CCDC7: variants seen among roughly 807,000 people sequenced by gnomAD.
CCDC7 encodes coiled-coil domain-containing protein 7.
Under a neutral mutation model 196.9 loss-of-function variants are expected in CCDC7, and 183 were observed. That is an observed-to-expected ratio of 0.93 (90% CI 0.82 to 1.05). The LOEUF (loss-of-function observed/expected upper bound fraction) is 1.05, where lower values mean the gene tolerates loss of function less well. CCDC7 is among the 50% of genes least tolerant of loss of function. The pLI, the probability that CCDC7 is intolerant of heterozygous loss-of-function variation, is 0.00. For missense variants in CCDC7, 1,540 were observed against 1,482.2 expected (o/e 1.04, Z -0.64); for synonymous variants, 525 against 484.6 (o/e 1.08, Z -1.10).
At chr10:32,476,809 T>C (rs989325045) in intron 8 of CCDC7, among the ~76,000 whole-genome samples, 13 of 152,378 alleles carry the variant, frequency 8.5e-5, no homozygotes, top group Admixed American at 8.5e-4. Flanking sequence ...TGATTATACA[T>C]GATGTTGAGC....
chr10:32,732,915 T>A (rs1222948814), intron 28 of CCDC7, among the ~76,000 whole-genome samples: 1 of 152,156 alleles, frequency 6.6e-6, no homozygotes, highest in Admixed American at 6.5e-5. Context: ...AGCTTAGCTG[T>A]ATTATATGTG....
At chr10:32,680,031 A>T (rs1459170435) in intron 21 of CCDC7, among the ~76,000 whole-genome samples, 6 of 152,212 alleles carry the variant, frequency 3.9e-5, no homozygotes, top group African/African-American at 1.4e-4. Flanking sequence ...TTTGGATTGA[A>T]CAGCCAAAAT....
At chr10:32,786,736 G>C (rs2081951238) in intron 29 of CCDC7, among the ~76,000 whole-genome samples, 1 of 152,038 alleles carries the variant, frequency 6.6e-6, no homozygotes, top group Admixed American at 6.5e-5. Flanking sequence ...ATTCCAGCCT[G>C]GGCAACAGAG....
intron 9 of CCDC7, among the ~76,000 whole-genome samples, chr10:32,500,142 C>T (rs559711483): frequency 1.3e-5 from 2 of 151,204 alleles, no homozygotes; most frequent in African/African-American, 2.4e-5. Context: ...GGGTGGTGGC[C>T]GGGCAGAGGG....
intron 18 of CCDC7, among the ~76,000 whole-genome samples, chr10:32,587,425 A>T (rs2059394265): frequency 6.6e-6 from 1 of 152,156 alleles, no homozygotes; most frequent in Non-Finnish European, 1.5e-5. Flanking sequence ...AGGGGGACAA[A>T]CTCGGGAGCC....
chr10:32,681,496 C>T (rs1281464547), intron 21 of CCDC7, among the ~76,000 whole-genome samples: 3 of 152,006 alleles, frequency 2.0e-5, no homozygotes, highest in Non-Finnish European at 4.4e-5. Flanking sequence ...CAACTTAAGG[C>T]GATTAGACTA....
chr10:32,546,618 C>T (rs546474984), intron 13 of CCDC7, among the ~76,000 whole-genome samples: 3 of 152,324 alleles, frequency 2.0e-5, no homozygotes, highest in Non-Finnish European at 2.9e-5. Flanking sequence ...AAGAGTACCA[C>T]ATAAAATAGT....
chr10:32,738,292 T>C (rs1334352508), intron 28 of CCDC7, among the ~76,000 whole-genome samples: 1 of 152,114 alleles, frequency 6.6e-6, no homozygotes, highest in East Asian at 1.9e-4. Flanking sequence ...TCATGGATAA[T>C]GCAGGTATTC....
chr10:32,675,338 G>C (rs1003840357), intron 21 of CCDC7, among the ~76,000 whole-genome samples: 5 of 142,758 alleles, frequency 3.5e-5, no homozygotes, highest in African/African-American at 1.3e-4. Context: ...AAGTTAAAAT[G>C]GTCTATTTTA....
rs181613644 is a variant in CCDC7, at chr10:32,812,853, A to G, written c.3098-1517A>G. ...TGAACCCGTCCTTCTTTGATATATC[A>G]GTTGAAGAAAGAACAAAGGAAGCTA... On this transcript the variant is annotated intron_variant, in intron 30 of 41. Coordinates refer to ENST00000639629, the Ensembl canonical transcript of CCDC7. Among the ~76,000 whole-genome samples the G allele has an allele frequency of 6.3e-4, 96 of 152,168 alleles. 1 individual carries two copies. In the Middle Eastern group the frequency reaches 0.01, roughly 16 times the overall value.
At chr10:32,598,550 A>G (rs1486418627) in intron 18 of CCDC7, among the ~76,000 whole-genome samples, 3 of 152,176 alleles carry the variant, frequency 2.0e-5, no homozygotes, top group African/African-American at 7.2e-5. Context: ...AAATGCAGAA[A>G]TCACCTGTCT....
intron 11 of CCDC7, among the ~76,000 whole-genome samples, chr10:32,529,045 G>A (rs2049205627): frequency 6.6e-6 from 1 of 151,684 alleles, no homozygotes; most frequent in Non-Finnish European, 1.5e-5. Context: ...ATTTTGAGAT[G>A]GAGTCTTGCC....
intron 8 of CCDC7, among the ~76,000 whole-genome samples, chr10:32,486,358 T>TC (rs1203514392): frequency 6.6e-6 from 1 of 151,684 alleles, no homozygotes; most frequent in Non-Finnish European, 1.5e-5. Context: ...TGGTAGATCT[T>TC]CCTCCATCCC....
At chr10:32,731,739 A>G (rs889513112) in intron 28 of CCDC7, among the ~76,000 whole-genome samples, 25 of 152,102 alleles carry the variant, frequency 1.6e-4, no homozygotes, top group African/African-American at 6.0e-4. Flanking sequence ...TTTAAGTTGT[A>G]TTGTCTAGTG....
chr10:32,706,078 T>G (rs1043388590), intron 24 of CCDC7, among the ~76,000 whole-genome samples: 5 of 152,102 alleles, frequency 3.3e-5, no homozygotes, highest in South Asian at 2.1e-4. Context: ...AGTAAAGCAC[T>G]CCTCAGCAAA....
chr10:32,637,746 GT>G (rs1241165268), intron 20 of CCDC7, among the ~76,000 whole-genome samples: 2 of 152,140 alleles, frequency 1.3e-5, no homozygotes, highest in East Asian at 3.8e-4. Context: ...CTTTAAAGTA[GT>G]TTTTTCCAAT....
At chr10:32,822,158 C>A (rs2090355688) in intron 31 of CCDC7, among the ~76,000 whole-genome samples, 1 of 152,142 alleles carries the variant, frequency 6.6e-6, no homozygotes, top group African/African-American at 2.4e-5. Context: ...CTAAAGCTGA[C>A]CTCTGACAGT....
chr10:32,653,205 G>T (rs2069101912), intron 20 of CCDC7, among the ~76,000 whole-genome samples: 2 of 152,100 alleles, frequency 1.3e-5, no homozygotes, highest in African/African-American at 4.8e-5. Context: ...TGTTTAAGGG[G>T]TATAGGACTC....
At chr10:32,683,626 C>T (rs571637510) in intron 21 of CCDC7, among the ~76,000 whole-genome samples, 1 of 152,178 alleles carries the variant, frequency 6.6e-6, no homozygotes, top group Non-Finnish European at 1.5e-5. Context: ...TGTTTTTCCA[C>T]TTCTTTGTGT....
Sources: gnomAD v4.1 joint callset for allele counts (sites outside exome capture counted in the v4.1 genomes callset) on GRCh38, gnomAD v4.1.1 for gene constraint, MANE v1.5 for transcripts, NCBI Gene and HGNC (gene_info 2026-07-23, HGNC 2026-07-21) for gene names.